The following RC3H2 variants were observed in gnomAD, a reference collection of about 807,000 sequenced individuals.
RC3H2 encodes roquin-2.
Under a neutral mutation model 133.3 loss-of-function variants are expected in RC3H2, and 31 were observed. That is an observed-to-expected ratio of 0.23 (90% CI 0.17 to 0.31). RC3H2 has a LOEUF of 0.31. Among genes scored for constraint, RC3H2 ranks in the 10% least tolerant of loss-of-function variants. RC3H2 has a pLI of 1.00. For missense variants in RC3H2, 1,175 were observed against 1,437.2 expected, an observed-to-expected ratio of 0.82 and a Z score of 2.95; for synonymous variants, 517 against 502.2, an observed-to-expected ratio of 1.03 and a Z score of -0.40.
intron 10 of RC3H2, among the ~76,000 whole-genome samples, chr9:122,863,840 G>A (rs1270538591): frequency 6.6e-6 from 1 of 152,074 alleles, no homozygotes; most frequent in African/African-American, 2.4e-5. Context: ...AGGTTCAAGC[G>A]ATTCTCCTGC....
chr9:122,855,682 A>C, intron 14 of RC3H2, 50 bp downstream of exon 14: 1 of 1,562,662 alleles, frequency 6.4e-7, no homozygotes, highest in Non-Finnish European at 8.7e-7. Context: ...ACATGAGTGA[A>C]CATGCATCAT....
At chr9:122,881,889 G>A (rs2131465282) in intron 5 of RC3H2, among the ~76,000 whole-genome samples, 1 of 152,302 alleles carries the variant, frequency 6.6e-6, no homozygotes, top group South Asian at 2.1e-4. Flanking sequence ...CATCACTTTG[G>A]TAACAGTAGA....
At chr9:122,897,722 T>A in intron 1 of RC3H2, 146 bp from the exon 2 acceptor site, 1 of 569,370 alleles carries the variant, frequency 1.8e-6, no homozygotes, top group Non-Finnish European at 3.0e-6. Flanking sequence ...AAAAAACCTA[T>A]TTGCTGAATT....
chr9:122,890,514 G>A lies in RC3H2; in HGVS notation c.381C>T (p.Ser127=). ...GVASLNQSAL[S]RPMQRKLVTL... is the part of the protein sequence containing the mutation. ...TCACCAGTTTCCTTTGCATTGGACG[G>A]CTCAGTGCACTCTGGTTCAAGCTAG... Residue 127 remains serine, a synonymous_variant, in exon 4 of 21, where the codon AGC becomes AGT. Coordinates refer to ENST00000357244, the MANE Select transcript of RC3H2 (RefSeq NM_001100588.3). 2 of 1,614,068 alleles carry A rather than the reference G, an allele frequency of 1.2e-6. No homozygotes were observed. The highest frequency in any genetic ancestry group is 1.7e-4 in the Middle Eastern group (1 of 6,060).
chr9:122,899,142 G>A (rs930895638), intron 1 of RC3H2, among the ~76,000 whole-genome samples: 5 of 108,132 alleles, frequency 4.6e-5, no homozygotes, highest in Admixed American at 4.5e-4. Context: ...TCCCTCTGTC[G>A]CCCAGACTGG....
At chr9:122,863,386 A>G (rs1273992981) in intron 10 of RC3H2, among the ~76,000 whole-genome samples, 2 of 152,180 alleles carry the variant, frequency 1.3e-5, no homozygotes, top group Non-Finnish European at 2.9e-5. Flanking sequence ...AACCTATCTA[A>G]CCTTATTTTA....
chr9:122,877,771 G>C (rs191145992), intron 8 of RC3H2, among the ~76,000 whole-genome samples, 188 bp from the exon 9 acceptor site: 1 of 152,186 alleles, frequency 6.6e-6, no homozygotes, highest in Admixed American at 6.5e-5. Flanking sequence ...CCCTGAATTG[G>C]CACTTCAGAT....
intron 1 of RC3H2, among the ~76,000 whole-genome samples, chr9:122,901,805 G>C (rs1224905812): frequency 6.6e-6 from 1 of 151,626 alleles, no homozygotes; most frequent in African/African-American, 2.4e-5. Context: ...GGGTCAGGCT[G>C]ATCTCAAACT....
intron 6 of RC3H2, 117 bp from the exon 7 acceptor site, chr9:122,880,242 TA>T (rs1564306366): frequency 8.6e-7 from 1 of 1,158,262 alleles, no homozygotes; most frequent in Non-Finnish European, 1.3e-6. Context: ...GATTCCACAG[TA>T]GGAGTATCAG....
At chr9:122,855,544 A>T (rs1218127767) in intron 14 of RC3H2, 147 bp from the exon 15 acceptor site, 1 of 938,962 alleles carries the variant, frequency 1.1e-6, no homozygotes, top group Admixed American at 2.8e-5. Flanking sequence ...ACTACCAGTA[A>T]ACCACCAATG....
At chr9:122,852,142 C>T (rs956137947) in intron 18 of RC3H2, among the ~76,000 whole-genome samples, 10 of 146,204 alleles carry the variant, frequency 6.8e-5, no homozygotes, top group Non-Finnish European at 9.0e-5. Context: ...AGCGCCTCTG[C>T]CCCGCCGCCC....
intron 2 of RC3H2, among the ~76,000 whole-genome samples, 195 bp downstream of exon 2, chr9:122,897,084 T>C (rs1832454562): frequency 6.8e-6 from 1 of 146,356 alleles, no homozygotes; most frequent in Admixed American, 6.8e-5. Context: ...TAACGATAGC[T>C]GATGAGCTAA....
At chr9:122,885,882 GTT>G (rs770351883) in intron 4 of RC3H2, among the ~76,000 whole-genome samples, 13 of 151,930 alleles carry the variant, frequency 8.6e-5, no homozygotes, top group Non-Finnish European at 1.8e-4. Context: ...GTTTTGTTTT[GTT>G]TTGTTTGTTT....
rs770523822 is a variant in RC3H2, at chr9:122,880,797, A to C, written c.760-3T>G. 1.9e-6 allele frequency: 3 copies of C among 1,607,072 alleles called. No individual in the cohort carries two copies. In the African/African-American group the frequency reaches 4.0e-5, roughly 21 times the overall value. On this transcript the variant is annotated splice_region_variant and splice_polypyrimidine_tract_variant and intron_variant, in intron 5 of 20. Coordinates refer to ENST00000357244, the MANE Select transcript of RC3H2 (RefSeq NM_001100588.3). ...GAGTCTTCATCTCTTTTGGTAACCT[A>C]AAAAATAGAAAAGAGAAAAATCAGA...
intron 18 of RC3H2, among the ~76,000 whole-genome samples, chr9:122,852,522 G>A (rs1186771513): frequency 2.0e-5 from 3 of 147,242 alleles, no homozygotes; most frequent in Admixed American, 1.3e-4. Flanking sequence ...CGCCCCGTCC[G>A]GGAGGGAGGT....
rs6151170 is a variant in RC3H2 at position 122,850,435 on chromosome 9, T to TATAGATAG, written c.3381-621_3381-614dup. Among the ~76,000 whole-genome samples the TATAGATAG allele has an allele frequency of 3.1e-4, 46 of 149,976 alleles. 1 individual carries two copies. The South Asian group carries it at 7.2e-3, about 23-fold the overall frequency. ...TATACTATATTATATGCTATCTATCTATAGATAGATAGATAGATAGATAAT... is the reference window on the plus strand; with the variant it reads ...TATACTATATTATATGCTATCTATCTATAGATAGATAGATAGATAGATAGATAGATAAT... On this transcript the variant is annotated intron_variant, in intron 20 of 20. Transcript: ENST00000357244.
chr9:122,870,695 T>G (rs1228646624), intron 9 of RC3H2, among the ~76,000 whole-genome samples: 1 of 152,168 alleles, frequency 6.6e-6, no homozygotes, highest in Non-Finnish European at 1.5e-5. Flanking sequence ...GGACTACAGG[T>G]GTGCACCACC....
Position 122,890,331 on chromosome 9 carries a change from T to G in RC3H2, c.564A>C (p.Gly188=). Residue 188 remains glycine, a synonymous_variant, in exon 4 of 21, where the codon GGA becomes GGC. Transcript: ENST00000357244. ...ANLWAAVRAR[G]CQFLGPAMQE... Reference sequence around the variant, plus strand: ...TCTTACCTGGCCCTAAAAACTGGCATCCTCGAGCCCTGACAGCGGCCCATA... The same window carrying G: ...TCTTACCTGGCCCTAAAAACTGGCAGCCTCGAGCCCTGACAGCGGCCCATA... 1 of 1,614,104 alleles carries G rather than the reference T, an allele frequency of 6.2e-7. No homozygotes were observed. Among genetic ancestry groups the G allele is most frequent in the East Asian group, 2.2e-5 (1 of 44,872 alleles).
Position 122,846,891 on chromosome 9 carries a change from G to C in RC3H2, c.*2736C>G, listed in dbSNP as rs367768520. On this transcript the variant is annotated 3_prime_UTR_variant, in exon 21 of 21. Transcript: ENST00000357244. ...GGATCAGATGAACTGCCCTTTCTTCGAAAGTGGCAGAGAACCAATGGCTTT... is the reference window on the plus strand; with the variant it reads ...GGATCAGATGAACTGCCCTTTCTTCCAAAGTGGCAGAGAACCAATGGCTTT... The C allele has an allele frequency of 6.6e-6, 1 of 152,076 alleles. No homozygotes were observed. Among genetic ancestry groups the C allele is most frequent in the Non-Finnish European group, 1.5e-5 (1 of 68,000 alleles). 9.4% of individuals were successfully genotyped at this position (152,076 alleles called of 1,614,324 possible).
Sources: gnomAD v4.1 joint callset for allele counts (sites outside exome capture counted in the v4.1 genomes callset) on GRCh38, gnomAD v4.1.1 for gene constraint, MANE v1.5 for transcripts, NCBI Gene and HGNC (gene_info 2026-07-23, HGNC 2026-07-21) for gene names.